MTMR12: variants seen among roughly 807,000 people sequenced by gnomAD.
MTMR12 encodes myotubularin related protein 12.
Under a neutral mutation model 96.7 loss-of-function variants are expected in MTMR12, and 33 were observed. The observed-to-expected ratio is 0.34, with a 90% CI of 0.26 to 0.46. The LOEUF is 0.46. Among genes scored for constraint, MTMR12 ranks in the 20% least tolerant of loss-of-function variants. MTMR12 has a pLI of 1.00. For missense variants in MTMR12, 721 were observed against 896.1 expected (o/e 0.80, Z 2.49); for synonymous variants, 298 against 327.2 (o/e 0.91, Z 0.96).
chr5:32,306,745 C>T (rs981713170), intron 1 of MTMR12, among the ~76,000 whole-genome samples: 6 of 152,154 alleles, frequency 3.9e-5, no homozygotes, highest in African/African-American at 1.2e-4. Context: ...TTAAACTTTA[C>T]AGGGCCTCAG....
At position 32,268,431 on chromosome 5, in the gene MTMR12, C is replaced by T. The variant is rs571296747; in HGVS notation, c.583+270G>A. Among the ~76,000 whole-genome samples the T allele has an allele frequency of 3.3e-5, 5 of 151,870 alleles. No homozygotes were observed. The South Asian group carries it at 1.0e-3, about 32-fold the overall frequency. ...GCTGAGGCATGAGAATTGCTTGAAC[C>T]CGGGAGGCGGAAATTGCAGTGGGCC... On this transcript the variant is annotated intron_variant, in intron 6 of 15. Coordinates refer to ENST00000382142, the MANE Select transcript of MTMR12 (RefSeq NM_001040446.3).
At chr5:32,245,001 GA>G (rs201630730) in intron 10 of MTMR12, among the ~76,000 whole-genome samples, 52 of 146,892 alleles carry the variant, frequency 3.5e-4, no homozygotes, top group Admixed American at 5.4e-4. Flanking sequence ...ATTATTAACT[GA>G]AAAAAAAAAA....
Position 32,256,518 on chromosome 5 carries a change from A to T in MTMR12, c.714-750T>A, listed in dbSNP as rs144853679. On this transcript the variant is annotated intron_variant, in intron 7 of 15. Coordinates refer to ENST00000382142, the MANE Select transcript of MTMR12 (RefSeq NM_001040446.3). ...TCTAAAAAGAACAAACTTGTTAAGT[A>T]GTAGGACATGGTAGAATGAAAGATC... Among the ~76,000 whole-genome samples, 34 of 152,350 alleles carry T rather than the reference A, an allele frequency of 2.2e-4. No homozygotes were observed. In the East Asian group the frequency reaches 6.6e-3, roughly 29 times the overall value.
intron 8 of MTMR12, among the ~76,000 whole-genome samples, chr5:32,253,477 T>C (rs1749023034): frequency 6.6e-6 from 1 of 152,080 alleles, no homozygotes; most frequent in Non-Finnish European, 1.5e-5. Context: ...GAGAGAGAGA[T>C]TGAGGGCTCT....
intron 8 of MTMR12, among the ~76,000 whole-genome samples, chr5:32,250,538 C>T (rs1291358275): frequency 6.6e-6 from 1 of 152,248 alleles, no homozygotes; most frequent in African/African-American, 2.4e-5. Flanking sequence ...GTTTTCAGCT[C>T]TCTGCCTAAG....
chr5:32,293,352 C>CA (rs200927743), intron 1 of MTMR12, among the ~76,000 whole-genome samples: 2,330 of 151,348 alleles, frequency 0.015, 30 homozygotes, highest in Non-Finnish European at 0.024. Context: ...ATAAAGCAGG[C>CA]AAAAAAAAGG....
intron 5 of MTMR12, among the ~76,000 whole-genome samples, chr5:32,269,029 T>C (rs1214834115): frequency 6.6e-6 from 1 of 151,366 alleles, no homozygotes; most frequent in African/African-American, 2.5e-5. Context: ...TTTATTATTT[T>C]TAACTTTTTT....
At chr5:32,259,693 G>A (rs1749281118) in intron 7 of MTMR12, among the ~76,000 whole-genome samples, 1 of 152,172 alleles carries the variant, frequency 6.6e-6, no homozygotes, top group Admixed American at 6.6e-5. Context: ...ACAGTGCAAT[G>A]AAAACTCACA....
chr5:32,237,098 G>A (rs1245752786), intron 13 of MTMR12, among the ~76,000 whole-genome samples: 1 of 152,218 alleles, frequency 6.6e-6, no homozygotes, highest in African/African-American at 2.4e-5. Context: ...AAGCCCTTAC[G>A]ATCAGGAGCC....
intron 1 of MTMR12, among the ~76,000 whole-genome samples, chr5:32,307,699 C>T (rs1312665935): frequency 1.3e-5 from 2 of 152,284 alleles, no homozygotes; most frequent in East Asian, 1.9e-4. Context: ...GTTAACTACT[C>T]GTCCTCATTT....
At chr5:32,260,101 T>C (rs1749303587) in intron 7 of MTMR12, among the ~76,000 whole-genome samples, 3 of 149,328 alleles carry the variant, frequency 2.0e-5, no homozygotes, top group Admixed American at 1.3e-4. Flanking sequence ...GAGTTAATTA[T>C]ACTTGTGCAG....
At chr5:32,305,954 G>A (rs1219120549) in intron 1 of MTMR12, among the ~76,000 whole-genome samples, 1 of 151,470 alleles carries the variant, frequency 6.6e-6, no homozygotes, top group Non-Finnish European at 1.5e-5. Context: ...AATATGTGCT[G>A]AACTAATTAA....
intron 10 of MTMR12, chr5:32,247,740 AAATGGT>A: frequency 1.0e-6 from 1 of 985,392 alleles, no homozygotes; most frequent in Non-Finnish European, 1.2e-6. Flanking sequence ...ACCACTGGGC[AAATGGT>A]ATGCTGAGGA....
intron 13 of MTMR12, among the ~76,000 whole-genome samples, chr5:32,238,394 G>A (rs1428325891): frequency 6.6e-6 from 1 of 151,876 alleles, no homozygotes; most frequent in African/African-American, 2.4e-5. Context: ...TTTATTTTTG[G>A]TAGAGATGAG....
chr5:32,289,257 T>C (rs1356796488), intron 1 of MTMR12, among the ~76,000 whole-genome samples: 1 of 152,188 alleles, frequency 6.6e-6, no homozygotes, highest in African/African-American at 2.4e-5. Context: ...CATTCCTACT[T>C]AATTTATATA....
At chr5:32,267,896 C>T (rs760892358) in intron 6 of MTMR12, among the ~76,000 whole-genome samples, 7 of 151,974 alleles carry the variant, frequency 4.6e-5, no homozygotes, top group African/African-American at 9.7e-5. Flanking sequence ...TGCAGTGGTG[C>T]GATCTCGGCT....
At chr5:32,294,502 C>T (rs745830690) in intron 1 of MTMR12, among the ~76,000 whole-genome samples, 4 of 151,852 alleles carry the variant, frequency 2.6e-5, no homozygotes, top group African/African-American at 4.8e-5. Context: ...GGTTTCACCA[C>T]GTTGGCTAGG....
intron 1 of MTMR12, among the ~76,000 whole-genome samples, chr5:32,277,429 T>C (rs1479597997): frequency 6.6e-6 from 1 of 152,100 alleles, no homozygotes; most frequent in Non-Finnish European, 1.5e-5. Flanking sequence ...CCCAGCGTGG[T>C]GGCTCACACC....
At chr5:32,263,036 C>A in intron 7 of MTMR12, 77 bp downstream of exon 7, 2 of 1,551,944 alleles carry the variant, frequency 1.3e-6, no homozygotes, top group South Asian at 1.2e-5. Context: ...ACTGCACAAC[C>A]CTGTGAATAT....
Sources: allele counts gnomAD v4.1 joint callset (sites outside exome capture counted in the v4.1 genomes callset), GRCh38; gene constraint gnomAD v4.1.1; transcripts MANE v1.5; gene names NCBI Gene and HGNC (gene_info 2026-07-23, HGNC 2026-07-21).